The following PCDHGB3 variants were observed in gnomAD, a reference collection of about 807,000 sequenced individuals.
The protein encoded by PCDHGB3 is protocadherin gamma subfamily B, 3, also known as protocadherin gamma-B3.
A neutral mutation model predicts 59.2 loss-of-function variants in PCDHGB3; 40 were observed. The observed-to-expected ratio is 0.68, with a 90% CI of 0.52 to 0.88. The LOEUF is 0.88. Ranked by LOEUF, PCDHGB3 falls within the 40% of genes least tolerant of loss-of-function variation. The pLI, the probability that PCDHGB3 is intolerant of heterozygous loss-of-function variation, is 0.00. For synonymous variants in PCDHGB3, 581 were observed against 503.6 expected (o/e 1.15, Z -2.06); for missense variants, 1,309 against 1,187.9 (o/e 1.10, Z -1.50).
At chr5:141,375,524 G>C (rs746416710) in intron 1 of PCDHGB3, 2 of 1,613,868 alleles carry the variant, frequency 1.2e-6, no homozygotes, top group African/African-American at 2.7e-5. Flanking sequence ...GGACCCTGAC[G>C]TGGACCAGAA....
intron 1 of PCDHGB3, among the ~76,000 whole-genome samples, chr5:141,466,637 A>G (rs944728391): frequency 1.1e-4 from 16 of 152,234 alleles, no homozygotes; most frequent in Admixed American, 8.5e-4. Flanking sequence ...CATTGTCTCC[A>G]TAAACTTTTC....
intron 1 of PCDHGB3, among the ~76,000 whole-genome samples, chr5:141,466,436 G>A (rs181613158): frequency 1.3e-5 from 2 of 152,270 alleles, no homozygotes; most frequent in East Asian, 1.9e-4. Context: ...AAGCTGAACC[G>A]AGATGTCTAT....
chr5:141,443,826 G>C (rs955306823), intron 1 of PCDHGB3, among the ~76,000 whole-genome samples: 1 of 151,978 alleles, frequency 6.6e-6, no homozygotes, highest in African/African-American at 2.4e-5. Flanking sequence ...AACATAATTA[G>C]GTAAAATGGG....
At chr5:141,475,819 G>A (rs1232669115) in intron 1 of PCDHGB3, 4 of 350,114 alleles carry the variant, frequency 1.1e-5, no homozygotes, top group Non-Finnish European at 1.6e-5. Context: ...GAAGTTCCTG[G>A]CGCTAGCGCG....
intron 1 of PCDHGB3, chr5:141,441,346 G>A (rs1265971154): frequency 2.0e-5 from 3 of 152,340 alleles, no homozygotes; most frequent in African/African-American, 7.2e-5. Context: ...TTAACTACAT[G>A]CTTGTAACAA....
rs1020682392 is a variant in PCDHGB3 at position 141,371,814 on chromosome 5, G to A, written c.1420G>A (p.Val474Ile). 2.5e-6 allele frequency: 4 copies of A among 1,613,774 alleles called. No individual in the cohort carries two copies. In the East Asian group the frequency reaches 6.7e-5, roughly 27 times the overall value. ...NNPPGASIAH[V>I]RASDPDLGPN... Reference sequence around the variant, plus strand: ...TCCGCCTGGAGCCTCCATTGCGCATGTCAGAGCCTCGGATCCCGACTTGGG... The same window carrying A: ...TCCGCCTGGAGCCTCCATTGCGCATATCAGAGCCTCGGATCCCGACTTGGG... Residue 474 changes from valine to isoleucine, a missense_variant, in exon 1 of 4, where the codon GTC becomes ATC. By Grantham distance (29) the Val-to-Ile change is conservative. Transcript: ENST00000576222.
chr5:141,394,238 T>G, intron 1 of PCDHGB3: 1 of 1,613,934 alleles, frequency 6.2e-7, no homozygotes, highest in Non-Finnish European at 8.5e-7. Context: ...TTTCCTTGAC[T>G]GCACACGACC....
At position 141,404,503 on chromosome 5, in the gene PCDHGB3, G is replaced by A. The variant is rs771196227; in HGVS notation, c.2415+31694G>A. 8 of 1,613,720 alleles carry A rather than the reference G, an allele frequency of 5.0e-6. No homozygotes were observed. In the East Asian group the frequency reaches 1.8e-4, roughly 36 times the overall value. On this transcript the variant is annotated intron_variant, in intron 1 of 3. Coordinates refer to ENST00000576222, the MANE Select transcript of PCDHGB3 (RefSeq NM_018924.5). Reference sequence around the variant, plus strand: ...CAGACACTGGTGTGCTGTATGCTCTGTGCTCCTTTGACTATGAGCAGTTTA... The same window carrying A: ...CAGACACTGGTGTGCTGTATGCTCTATGCTCCTTTGACTATGAGCAGTTTA...
At chr5:141,480,927 C>T (rs1562083028) in intron 1 of PCDHGB3, among the ~76,000 whole-genome samples, 1 of 152,090 alleles carries the variant, frequency 6.6e-6, no homozygotes, top group Non-Finnish European at 1.5e-5. Context: ...TACCTGTAGT[C>T]CCAGCTACTC....
chr5:141,413,441 T>C (rs760538286), intron 1 of PCDHGB3: 1 of 1,614,056 alleles, frequency 6.2e-7, no homozygotes, highest in Non-Finnish European at 8.5e-7. Flanking sequence ...GGCAGCTTGA[T>C]CACCGCGGGC....
At chr5:141,425,918 CG>C (rs2096903264) in intron 1 of PCDHGB3, among the ~76,000 whole-genome samples, 1 of 152,200 alleles carries the variant, frequency 6.6e-6, no homozygotes, top group Admixed American at 6.5e-5. Context: ...ACAGTCACTA[CG>C]AAAACTCATA....
At chr5:141,415,257 T>G in intron 1 of PCDHGB3, 1 of 1,614,170 alleles carries the variant, frequency 6.2e-7, no homozygotes, top group Non-Finnish European at 8.5e-7. Flanking sequence ...CAGACCTCAC[T>G]CTGTACCTGG....
chr5:141,473,784 G>A (rs1457988232), intron 1 of PCDHGB3, among the ~76,000 whole-genome samples: 1 of 152,226 alleles, frequency 6.6e-6, no homozygotes, highest in Non-Finnish European at 1.5e-5. Flanking sequence ...TTTAATTCAA[G>A]AGCAGTATGA....
intron 1 of PCDHGB3, chr5:141,393,052 G>T (rs771952632): frequency 6.2e-7 from 1 of 1,613,614 alleles, no homozygotes; most frequent in Non-Finnish European, 8.5e-7. Context: ...CTGAACCCGC[G>T]CAGCGGCAGC....
chr5:141,489,594 T>A lies in PCDHGB3; in HGVS notation c.2416-5213T>A. The A allele has an allele frequency of 2.5e-6, 4 of 1,614,076 alleles. No homozygotes were observed. Among genetic ancestry groups the A allele is most frequent in the Non-Finnish European group, 3.4e-6 (4 of 1,179,982 alleles). ...CTGAACACCCCCTGGAGCTAATCCG[T>A]GTAGAGGTAGAGATCCTGGATCTCA... On this transcript the variant is annotated intron_variant, in intron 1 of 3. Coordinates refer to ENST00000576222, the MANE Select transcript of PCDHGB3 (RefSeq NM_018924.5). This position sits in a 1 kb window ranked among gnomAD's most constrained non-coding sequence, Gnocchi z 4.5.
At chr5:141,408,643 C>T (rs751905674) in intron 1 of PCDHGB3, 3 of 1,613,910 alleles carry the variant, frequency 1.9e-6, no homozygotes, top group Non-Finnish European at 1.7e-6. Context: ...AATCTGCATC[C>T]GCTGGTACAC....
intron 1 of PCDHGB3, chr5:141,441,516 C>T (rs1034274864): frequency 4.0e-5 from 7 of 173,082 alleles, no homozygotes; most frequent in Non-Finnish European, 8.7e-5. Flanking sequence ...ACGTCGTCCA[C>T]GTGGCCAAGA....
In PCDHGB3 at chr5:141,382,630, A is replaced by G. The variant is rs142649877; in HGVS notation, c.2415+9821A>G. ...TGAAATCAGTGTATTGTGTGCATCA[A>G]TGTGGTGCAGTAACTTAGTAAGGAC... On this transcript the variant is annotated intron_variant, in intron 1 of 3. Coordinates refer to ENST00000576222, the MANE Select transcript of PCDHGB3 (RefSeq NM_018924.5). The G allele has an allele frequency of 1.3e-4, 49 of 364,976 alleles. 1 individual carries two copies. Among genetic ancestry groups the G allele is most frequent in the Middle Eastern group, 7.2e-4 (1 of 1,388 alleles). 22.6% of individuals were successfully genotyped at this position (364,976 alleles called of 1,614,324 possible). A position where few individuals can be genotyped will look rare whatever the true frequency, so the allele number is the denominator to read the frequency against.
At chr5:141,412,195 C>T (rs1326751515) in intron 1 of PCDHGB3, 2 of 152,208 alleles carry the variant, frequency 1.3e-5, no homozygotes, top group African/African-American at 4.8e-5. Context: ...CTGATGAAAA[C>T]AGGTCATTTG....
Sources: gnomAD v4.1 joint callset for allele counts (sites outside exome capture counted in the v4.1 genomes callset) on GRCh38, gnomAD v4.1.1 for gene constraint, Gnocchi (gnomAD v3.1) non-coding constraint, MANE v1.5 for transcripts, NCBI Gene and HGNC (gene_info 2026-07-23, HGNC 2026-07-21) for gene names.